ZBTB40: variants seen among roughly 807,000 people sequenced by gnomAD.
The protein encoded by ZBTB40 is zinc finger and BTB domain-containing protein 40.
In ZBTB40, 60 loss-of-function variants were observed where a neutral mutation model predicts 117.5. The ratio of observed to expected loss-of-function variants is 0.51; its 90% CI spans 0.41 to 0.63. ZBTB40 has a LOEUF of 0.63. Ranked by LOEUF, ZBTB40 falls within the 30% of genes least tolerant of loss-of-function variation. The pLI, the probability that ZBTB40 is intolerant of heterozygous loss-of-function variation, is 0.00. For synonymous variants in ZBTB40, 525 were observed against 577.1 expected (o/e 0.91, Z 1.29); for missense variants, 1,287 against 1,498.5 (o/e 0.86, Z 2.33).
chr1:22,447,673 G>C (rs2124371630), upstream of ZBTB40, among the ~76,000 whole-genome samples: 1 of 152,350 alleles, frequency 6.6e-6, no homozygotes, highest in East Asian at 1.9e-4. Flanking sequence ...CAGGCCCGCA[G>C]AAGTGCTACT....
intron 1 of ZBTB40, among the ~76,000 whole-genome samples, chr1:22,487,415 C>G (rs1229461721): frequency 6.6e-6 from 1 of 152,082 alleles, no homozygotes; most frequent in Non-Finnish European, 1.5e-5. Context: ...TACATAATTT[C>G]CTCAAACATC....
In ZBTB40 at chr1:22,513,009, C is replaced by T. The variant is rs141952248; in HGVS notation, c.2547C>T (p.Ser849=). Reference sequence around the variant, plus strand: ...GTGGGGCGAAGTTTGCAGCCAATTCCACCCTGAAGAACCACCTTCGCCTTC... The same window carrying T: ...GTGGGGCGAAGTTTGCAGCCAATTCTACCCTGAAGAACCACCTTCGCCTTC... ...EECGAKFAAN[S]TLKNHLRLHT... Residue 849 remains serine, a synonymous_variant, in exon 12 of 18, where the codon TCC becomes TCT. Transcript: ENST00000375647. The surrounding 1 kb of genome is among the most constrained non-coding windows in gnomAD (Gnocchi z 4.9). The T allele has an allele frequency of 4.3e-5, 69 of 1,614,040 alleles. No homozygotes were observed. Among genetic ancestry groups the T allele is most frequent in the Non-Finnish European group, 5.3e-5 (62 of 1,180,042 alleles).
rs533490333 is a variant in ZBTB40, at chr1:22,508,937, T to C, written c.1700-163T>C. On this transcript the variant is annotated intron_variant, in intron 8 of 17. Coordinates refer to ENST00000375647, the MANE Select transcript of ZBTB40 (RefSeq NM_014870.4). ...ATTATCTTAAGCTTACATTCATTAT[T>C]ATACTCTGATTACAGTGCTATTTGC... Among the ~76,000 whole-genome samples the C allele has an allele frequency of 3.9e-4, 60 of 152,340 alleles. 1 individual carries two copies. The highest frequency in any genetic ancestry group is 3.9e-3 in the Admixed American group (59 of 15,310).
chr1:22,433,445 A>AAAAAAAAAAAAAAAAAAAAAAAAAAAAC (rs1640626337), intron 1 of ZBTB40, among the ~76,000 whole-genome samples: 1 of 90,406 alleles, frequency 1.1e-5, no homozygotes, highest in Non-Finnish European at 2.1e-5. Flanking sequence ...AAAAAAAAAA[A>AAAAAAAAAAAAAAAAAAAAAAAAAAAAC]AAAAAAAAAA....
intron 3 of ZBTB40, among the ~76,000 whole-genome samples, chr1:22,500,088 G>A (rs754777384): frequency 1.4e-4 from 22 of 152,168 alleles, no homozygotes; most frequent in South Asian, 4.1e-4. Flanking sequence ...GACTGTACAC[G>A]TGAAATTCAG....
At chr1:22,505,118 G>A (rs1483248351) in intron 5 of ZBTB40, among the ~76,000 whole-genome samples, 3 of 152,096 alleles carry the variant, frequency 2.0e-5, no homozygotes, top group African/African-American at 7.2e-5. Context: ...AAGTTAATTT[G>A]ATAATGGCAG....
intron 1 of ZBTB40, among the ~76,000 whole-genome samples, chr1:22,444,359 G>C (rs111933496): frequency 0.048 from 7,359 of 152,194 alleles, 437 homozygotes; most frequent in African/African-American, 0.13. Flanking sequence ...GTCAGAGGTT[G>C]CAGTGAACTG....
intron 1 of ZBTB40, among the ~76,000 whole-genome samples, chr1:22,440,934 T>G (rs1569741449): frequency 6.6e-6 from 1 of 152,140 alleles, no homozygotes; most frequent in Middle Eastern, 3.2e-3. Flanking sequence ...TAGTCTATAG[T>G]TTTCTTTTTC....
chr1:22,465,641 T>G (rs1313130236), intron 1 of ZBTB40, among the ~76,000 whole-genome samples: 1 of 151,870 alleles, frequency 6.6e-6, no homozygotes, highest in Non-Finnish European at 1.5e-5. Flanking sequence ...GAGATCGGAG[T>G]GGGTGCTGAT....
At chr1:22,476,805 C>A (rs56687545) in intron 1 of ZBTB40, among the ~76,000 whole-genome samples, 3,556 of 152,228 alleles carry the variant, frequency 0.023, 146 homozygotes, top group African/African-American at 0.079. Flanking sequence ...TCCCATGGGA[C>A]CTTTGACAAT....
At chr1:22,477,795 G>T (rs1052445101) in intron 1 of ZBTB40, among the ~76,000 whole-genome samples, 1 of 151,946 alleles carries the variant, frequency 6.6e-6, no homozygotes, top group Non-Finnish European at 1.5e-5. Flanking sequence ...TGATCCTCCC[G>T]CCTCGGCCTC....
At chr1:22,478,224 AAC>A (rs1198910439) in intron 1 of ZBTB40, among the ~76,000 whole-genome samples, 1 of 152,118 alleles carries the variant, frequency 6.6e-6, no homozygotes, top group African/African-American at 2.4e-5. Context: ...TGAGTTATGT[AAC>A]CTCTCTGTGC....
rs209727 is a variant in ZBTB40, at chr1:22,511,356, C to T, written c.2002+9C>T. The T allele has an allele frequency of 0.36, 587,980 of 1,612,806 alleles. 116,543 individuals are homozygous for T. The highest frequency in any genetic ancestry group is 0.71 in the African/African-American group (53,229 of 74,924). On this transcript the variant is annotated intron_variant, in intron 10 of 17. Transcript: ENST00000375647. ...GGAGTTGGCATACATTGGTAAGGAA[C>T]GGGCCAGGTGGGAAGGGGGTTCCTA...
In ZBTB40 at chr1:22,521,631, A is replaced by C; in HGVS notation, c.3184A>C (p.Lys1062Gln). 1 of 1,614,250 alleles carries C rather than the reference A, an allele frequency of 6.2e-7. No homozygotes were observed. The highest frequency in any genetic ancestry group is 1.1e-5 in the South Asian group (1 of 91,084). ...AACCTTCCCCAACACCATTGAGCAC[A>C]AGAAGCACATCAAAGCAGAACATGC... Reference protein sequence around the residue: ...DKTFPNTIEHKKHIKAEHADM... With the variant: ...DKTFPNTIEHQKHIKAEHADM... Residue 1062 changes from lysine (K) to glutamine (Q), a missense_variant, in exon 15 of 18, where the codon AAG (lysine) becomes CAG (glutamine). Physicochemically the swap from Lys to Gln is moderately conservative, Grantham distance 53. Transcript: ENST00000375647.
chr1:22,431,384 G>GTGTGTGTATATA (rs1222294324), intron 1 of ZBTB40, among the ~76,000 whole-genome samples: 13 of 119,694 alleles, frequency 1.1e-4, no homozygotes, highest in African/African-American at 4.8e-4. Flanking sequence ...GTGTGTGTGT[G>GTGTGTGTATATA]TATATATATA....
intron 5 of ZBTB40, 26 bp from the exon 6 acceptor site, chr1:22,506,023 G>A: frequency 1.2e-6 from 2 of 1,613,800 alleles, no homozygotes; most frequent in Non-Finnish European, 1.7e-6. Flanking sequence ...AGTAACTGGT[G>A]TCTGGTTGAT....
intron 1 of ZBTB40, among the ~76,000 whole-genome samples, chr1:22,483,771 A>AAATTT (rs1638392057): frequency 6.6e-6 from 1 of 152,096 alleles, no homozygotes; most frequent in Non-Finnish European, 1.5e-5. Context: ...TCATGGAGCA[A>AAATTT]AATTTATTTC....
intron 16 of ZBTB40, among the ~76,000 whole-genome samples, chr1:22,522,908 AG>A (rs1639574837): frequency 6.8e-6 from 1 of 147,998 alleles, no homozygotes; most frequent in South Asian, 2.2e-4. Flanking sequence ...CTGGAATTAC[AG>A]GTGCCTGCCA....
At chr1:22,521,277 A>C (rs2124472021) in intron 14 of ZBTB40, among the ~76,000 whole-genome samples, 1 of 152,304 alleles carries the variant, frequency 6.6e-6, no homozygotes. Context: ...GACTCCTGGG[A>C]GCCCTGCCCT....
Sources: allele counts gnomAD v4.1 joint callset (sites outside exome capture counted in the v4.1 genomes callset), GRCh38; gene constraint gnomAD v4.1.1; non-coding constraint Gnocchi (gnomAD v3.1); transcripts MANE v1.5; gene names NCBI Gene and HGNC (gene_info 2026-07-23, HGNC 2026-07-21).